Variants in RPRD2 observed in about 807,000 individuals in gnomAD.
RPRD2 encodes regulation of nuclear pre-mRNA domain containing 2.
Under a neutral mutation model 104.4 loss-of-function variants are expected in RPRD2, and 12 were observed. The ratio of observed to expected loss-of-function variants is 0.11; its 90% CI spans 0.07 to 0.19. The LOEUF is 0.19. Among genes scored for constraint, RPRD2 ranks in the 10% least tolerant of loss-of-function variants. RPRD2 has a pLI of 1.00. For synonymous variants in RPRD2, 714 were observed against 684.9 expected (o/e 1.04, Z -0.66); for missense variants, 1,543 against 1,790.1 (o/e 0.86, Z 2.49).
intron 2 of RPRD2, among the ~76,000 whole-genome samples, chr1:150,436,731 A>T (rs1218750079): frequency 2.0e-5 from 3 of 151,870 alleles, no homozygotes; most frequent in Admixed American, 6.6e-5. Flanking sequence ...ACATGGTGAA[A>T]CCCCGTCTCT....
intron 2 of RPRD2, among the ~76,000 whole-genome samples, chr1:150,429,494 A>G (rs1287495017): frequency 6.6e-6 from 1 of 151,796 alleles, no homozygotes; most frequent in Non-Finnish European, 1.5e-5. Flanking sequence ...AGCTGAGACT[A>G]CAGGCACGCA....
At chr1:150,453,124 C>G (rs1667311010) in intron 7 of RPRD2, among the ~76,000 whole-genome samples, 1 of 151,902 alleles carries the variant, frequency 6.6e-6, no homozygotes, top group Non-Finnish European at 1.5e-5. Context: ...CCTCTGTCTC[C>G]CGGGTTCAAG....
At chr1:150,464,464 G>A in intron 9 of RPRD2, 63 bp from the exon 10 acceptor site, 1 of 1,269,068 alleles carries the variant, frequency 7.9e-7, no homozygotes, top group Non-Finnish European at 1.1e-6. Context: ...GAAGTGAGGG[G>A]AAGTATCGGA....
chr1:150,374,163 C>G (rs1660535671), intron 1 of RPRD2, among the ~76,000 whole-genome samples: 1 of 152,290 alleles, frequency 6.6e-6, no homozygotes, highest in Admixed American at 6.5e-5. Context: ...AAGGGGTAAA[C>G]TGAACACCAG....
At position 150,472,713 on chromosome 1, in the gene RPRD2, AC is replaced by A; in HGVS notation, c.3770del (p.Pro1257LeufsTer156). 1 of 1,610,856 alleles carries A rather than the reference AC, an allele frequency of 6.2e-7. No homozygotes were observed. The highest frequency in any genetic ancestry group is 8.5e-7 in the Non-Finnish European group (1 of 1,178,862). On this transcript the variant is annotated frameshift_variant, in exon 11 of 11. Coordinates refer to ENST00000369068, the MANE Select transcript of RPRD2 (RefSeq NM_015203.5). LOFTEE classifies it high-confidence loss of function. ...AGGCAGCCCTGGCCCATGCTGCCCC[AC>A]CCCCTCCTCCTGGAGAGCACAGTGG... The part of the protein sequence containing the change: ...KEAALAHAAP[P>X]PPPGEHSGIP...
Position 150,460,135 on chromosome 1 carries a change from T to C in RPRD2, c.1229T>C (p.Ile410Thr), listed in dbSNP as rs1207013071. 6 of 1,613,890 alleles carry C rather than the reference T, an allele frequency of 3.7e-6. No individual in the cohort carries two copies. The highest frequency in any genetic ancestry group is 5.1e-6 in the Non-Finnish European group (6 of 1,179,868). The change falls in exon 9 of 11, where the codon ATC (isoleucine) becomes ACC (threonine). Residue 410 changes from isoleucine to threonine, a missense_variant. By Grantham distance (89) the Ile-to-Thr change is moderately conservative. This residue lies in a region of RPRD2 where 572 missense variants were observed against 787.3 expected (regional missense o/e 0.73). Coordinates refer to ENST00000369068, the MANE Select transcript of RPRD2 (RefSeq NM_015203.5). ...TSVPTKPTEN[I>T]SKASSCTPVP... ...GTACCTACAAAGCCAACAGAAAATA[T>C]CTCAAAGGCCTCTTCATGTACCCCA...
intron 2 of RPRD2, among the ~76,000 whole-genome samples, chr1:150,418,444 AT>A (rs1482461424): frequency 2.0e-5 from 3 of 151,978 alleles, no homozygotes; most frequent in Non-Finnish European, 2.9e-5. Flanking sequence ...TCTTACTGAA[AT>A]TTTTTTCCCT....
At chr1:150,364,980 A>C (rs1054954031) in intron 1 of RPRD2, 61 bp downstream of exon 1, 57 of 1,555,306 alleles carry the variant, frequency 3.7e-5, no homozygotes, top group African/African-American at 4.1e-5. Context: ...GTGTGGCCTG[A>C]AACGCTTGGG....
In RPRD2 at chr1:150,469,343, ATAGT is replaced by A. The variant is rs200899316; in HGVS notation, c.1613-1212_1613-1209del. ...CAGGCTGGTGTGCAGTGGCAGAGTC[ATAGT>A]TAGTTTACTGTAACCTTGAACTGGG... On this transcript the variant is annotated intron_variant, in intron 10 of 10. Transcript: ENST00000369068. Among the ~76,000 whole-genome samples, 160 of 152,326 alleles carry A rather than the reference ATAGT, an allele frequency of 1.1e-3. No homozygotes were observed. In the East Asian group the frequency reaches 0.012, roughly 12 times the overall value.
intron 7 of RPRD2, among the ~76,000 whole-genome samples, chr1:150,448,709 A>G (rs1487624110): frequency 6.6e-6 from 1 of 152,100 alleles, no homozygotes; most frequent in African/African-American, 2.4e-5. Context: ...GCCTTTCTAA[A>G]TTCTCCATCA....
At chr1:150,397,306 T>C (rs1553884395) in intron 1 of RPRD2, among the ~76,000 whole-genome samples, 1 of 152,158 alleles carries the variant, frequency 6.6e-6, no homozygotes, top group East Asian at 1.9e-4. Context: ...CTGTTGGTGT[T>C]TTGCTTTTTT....
intron 1 of RPRD2, among the ~76,000 whole-genome samples, chr1:150,387,514 G>T (rs1661652620): frequency 7.2e-6 from 1 of 138,694 alleles, no homozygotes; most frequent in Non-Finnish European, 1.5e-5. Flanking sequence ...TAGATATTTT[G>T]CAGGATCCTT....
intron 1 of RPRD2, among the ~76,000 whole-genome samples, chr1:150,367,159 G>A (rs1553877278): frequency 2.6e-5 from 4 of 152,136 alleles, no homozygotes; most frequent in Non-Finnish European, 5.9e-5. Context: ...TAGTGGAATG[G>A]AATTTAACTT....
At chr1:150,369,695 G>C (rs1553877916) in intron 1 of RPRD2, among the ~76,000 whole-genome samples, 1 of 142,404 alleles carries the variant, frequency 7.0e-6, no homozygotes, top group Admixed American at 7.3e-5. Flanking sequence ...CTGACCTCAT[G>C]ATCCGCCCGC....
At chr1:150,406,092 A>G (rs587714978) in intron 1 of RPRD2, among the ~76,000 whole-genome samples, 26 of 152,346 alleles carry the variant, frequency 1.7e-4, no homozygotes, top group African/African-American at 6.0e-4. Context: ...CTGTGAAATG[A>G]TGAAGAAGGA....
chr1:150,469,391 C>G (rs2102439888), intron 10 of RPRD2, among the ~76,000 whole-genome samples: 1 of 152,244 alleles, frequency 6.6e-6, no homozygotes, highest in East Asian at 1.9e-4. Context: ...ATTCTCCAGC[C>G]TCAGCCTCCT....
rs192072163 is a variant in RPRD2 at position 150,457,577 on chromosome 1, C to T, written c.1153+7C>T. 6.2e-7 allele frequency: 1 copy of T among 1,611,166 alleles called. No individual in the cohort carries two copies. Among genetic ancestry groups the T allele is most frequent in the East Asian group, 2.2e-5 (1 of 44,854 alleles). On this transcript the variant is annotated splice_region_variant and intron_variant, in intron 8 of 10. Coordinates refer to ENST00000369068, the MANE Select transcript of RPRD2 (RefSeq NM_015203.5). Reference sequence around the variant, plus strand: ...GATGGGTCAAAAATCATTGGTATGTCTTTATGTGATTAATAGACAACTTAT... The same window carrying T: ...GATGGGTCAAAAATCATTGGTATGTTTTTATGTGATTAATAGACAACTTAT...
intron 1 of RPRD2, among the ~76,000 whole-genome samples, chr1:150,369,671 G>A (rs1553877913): frequency 2.1e-5 from 3 of 140,222 alleles, no homozygotes; most frequent in African/African-American, 7.9e-5. Flanking sequence ...GGGTTTCACC[G>A]TGGTCTGGAT....
Position 150,473,057 on chromosome 1 carries a change from C to T in RPRD2, c.4109C>T (p.Thr1370Ile). Residue 1370 changes from threonine (T) to isoleucine (I), a missense_variant, in exon 11 of 11, where the codon ACC (threonine) becomes ATC (isoleucine). Around this residue, in one of 4 missense-constraint regions of RPRD2, gnomAD observed 880 missense variants for 885.6 expected, o/e 0.99. Coordinates refer to ENST00000369068, the MANE Select transcript of RPRD2 (RefSeq NM_015203.5). The part of the protein sequence containing the change: ...PGLSRVRESL[T>I]LPSHSLEHLG... The stretch of plus-strand genomic sequence containing the variant: ...CTTAGCCGTGTACGAGAGAGCCTCA[C>T]CCTACCCTCCCATTCTCTGGAACAC... 4.3e-6 allele frequency: 7 copies of T among 1,614,036 alleles called. No individual in the cohort carries two copies. The highest frequency in any genetic ancestry group is 5.9e-6 in the Non-Finnish European group (7 of 1,179,890).
Sources: gnomAD v4.1 joint callset for allele counts (sites outside exome capture counted in the v4.1 genomes callset) on GRCh38, gnomAD v4.1.1 for gene constraint, gnomAD v4.1.1 regional missense constraint, MANE v1.5 for transcripts, NCBI Gene and HGNC (gene_info 2026-07-23, HGNC 2026-07-21) for gene names.